The following RIPOR3 variants were observed in gnomAD, a reference collection of about 807,000 sequenced individuals.
RIPOR3 encodes RIPOR family member 3.
Under a neutral mutation model 114.3 loss-of-function variants are expected in RIPOR3, and 95 were observed. That is an observed-to-expected ratio of 0.83 (90% CI 0.70 to 0.99). The LOEUF is 0.99. RIPOR3 is among the 50% of genes least tolerant of loss of function. The pLI, the probability that RIPOR3 is intolerant of heterozygous loss-of-function variation, is 0.00. For synonymous variants in RIPOR3, 575 were observed against 543.8 expected, an observed-to-expected ratio of 1.06 and a Z score of -0.80; for missense variants, 1,252 against 1,266.9, an observed-to-expected ratio of 0.99 and a Z score of 0.18.
chr20:50,664,910 T>G (rs929309586), intron 1 of RIPOR3, among the ~76,000 whole-genome samples: 1 of 152,108 alleles, frequency 6.6e-6, no homozygotes, highest in African/African-American at 2.4e-5. Context: ...GAGACCAGCC[T>G]GGCCAACATG....
intron 19 of RIPOR3, among the ~76,000 whole-genome samples, chr20:50,591,877 G>A (rs776382811): frequency 2.5e-4 from 38 of 152,162 alleles, no homozygotes; most frequent in East Asian, 1.9e-4. Flanking sequence ...CAGGCGGATC[G>A]CAGGGTCAGG....
At chr20:50,609,269 C>A (rs755961146) in intron 8 of RIPOR3, 24 bp downstream of exon 8, 49 of 1,612,036 alleles carry the variant, frequency 3.0e-5, no homozygotes, top group South Asian at 9.9e-5. Context: ...AAGGCCTCCG[C>A]CCACCCCCTC....
At chr20:50,654,768 C>A (rs1421712660) in intron 1 of RIPOR3, among the ~76,000 whole-genome samples, 2 of 151,884 alleles carry the variant, frequency 1.3e-5, no homozygotes, top group African/African-American at 4.8e-5. Flanking sequence ...TTTTTTGAGA[C>A]AGCATCTCAA....
intron 1 of RIPOR3, among the ~76,000 whole-genome samples, chr20:50,648,152 T>A (rs911412300): frequency 4.0e-5 from 6 of 151,894 alleles, no homozygotes; most frequent in African/African-American, 1.5e-4. Context: ...GGTGGGCACC[T>A]GTAATCCCAG....
chr20:50,613,747 C>T (rs1240580140), intron 4 of RIPOR3, among the ~76,000 whole-genome samples: 1 of 152,186 alleles, frequency 6.6e-6, no homozygotes, highest in Non-Finnish European at 1.5e-5. Context: ...GAATGGGAAA[C>T]GAAGTCCACG....
At chr20:50,640,008 G>C (rs231571) in intron 1 of RIPOR3, among the ~76,000 whole-genome samples, 47,601 of 140,954 alleles carry the variant, frequency 0.34, 8,819 homozygotes, top group African/African-American at 0.49. Context: ...TGGGCTGGAG[G>C]GTTCATTAAC....
At chr20:50,636,471 C>T in intron 1 of RIPOR3, 2 of 865,806 alleles carry the variant, frequency 2.3e-6, no homozygotes, top group Non-Finnish European at 2.8e-6. Flanking sequence ...GCTCGGGTGG[C>T]TTAGGGCAGC....
Position 50,610,848 on chromosome 20 carries a change from C to A in RIPOR3, c.426+5G>T. On this transcript the variant is annotated splice_donor_5th_base_variant and intron_variant, in intron 6 of 21. Transcript: ENST00000327979. ...CCACCCTGCAACATCCACGAGCCAG[C>A]TGACCTTGCTGATGTGAAACTCCAT... The A allele has an allele frequency of 1.9e-6, 3 of 1,614,218 alleles. No individual in the cohort carries two copies. The highest frequency in any genetic ancestry group is 2.5e-6 in the Non-Finnish European group (3 of 1,180,040).
At chr20:50,645,721 G>A (rs1178830788) in intron 1 of RIPOR3, 1 of 152,254 alleles carries the variant, frequency 6.6e-6, no homozygotes, top group East Asian at 1.9e-4. Context: ...GGACTGCTGA[G>A]TCAACCCTCT....
chr20:50,588,038 G>A, intron 20 of RIPOR3, 146 bp from the exon 21 acceptor site: 1 of 703,150 alleles, frequency 1.4e-6, no homozygotes, highest in Admixed American at 2.9e-5. Context: ...GGTTTTTTAG[G>A]TGGCCTCAGG....
intron 2 of RIPOR3, among the ~76,000 whole-genome samples, chr20:50,625,976 C>T (rs1267796990): frequency 1.3e-5 from 2 of 152,202 alleles, no homozygotes; most frequent in Non-Finnish European, 2.9e-5. Context: ...TTTCAAGGTG[C>T]CAGAGTAGGG....
chr20:50,627,845 G>C lies in RIPOR3; in HGVS notation c.122+2893C>G, dbSNP rs574748651. Reference sequence around the variant, plus strand: ...CAGCAGAGCGTTCAATCAAAGTACAGAGCACAGGCTACACGCTCATGAAGC... The same window carrying C: ...CAGCAGAGCGTTCAATCAAAGTACACAGCACAGGCTACACGCTCATGAAGC... On this transcript the variant is annotated intron_variant, in intron 2 of 21. Coordinates refer to ENST00000327979, the MANE Select transcript of RIPOR3 (RefSeq NM_001290268.2). Among the ~76,000 whole-genome samples the C allele has an allele frequency of 3.3e-5, 5 of 152,342 alleles. No homozygotes were observed. In the East Asian group the frequency reaches 7.7e-4, roughly 24 times the overall value.
chr20:50,669,085 A>T (rs2086367446), intron 1 of RIPOR3, among the ~76,000 whole-genome samples: 2 of 152,094 alleles, frequency 1.3e-5, no homozygotes, highest in Middle Eastern at 6.8e-3. Context: ...ACATATGTAC[A>T]CATGGCGCGC....
At chr20:50,592,171 G>A (rs1236808128) in intron 19 of RIPOR3, among the ~76,000 whole-genome samples, 173 bp downstream of exon 19, 1 of 152,224 alleles carries the variant, frequency 6.6e-6, no homozygotes, top group African/African-American at 2.4e-5. Flanking sequence ...TGCTTTGGAA[G>A]CAGCAAGGTG....
rs2083230487 is a variant in RIPOR3, at chr20:50,594,724, C to G, written c.2051-10G>C. ...GAGGCCTGTGGGATGACTGAAAGCC[C>G]CAGTTCAGAAACCTGAATGGTGACT... On this transcript the variant is annotated splice_polypyrimidine_tract_variant and intron_variant, in intron 16 of 21. Coordinates refer to ENST00000327979, the MANE Select transcript of RIPOR3 (RefSeq NM_001290268.2). 4 of 1,604,476 alleles carry G rather than the reference C, an allele frequency of 2.5e-6. No individual in the cohort carries two copies. Among genetic ancestry groups the G allele is most frequent in the Non-Finnish European group, 3.4e-6 (4 of 1,173,200 alleles).
intron 1 of RIPOR3, among the ~76,000 whole-genome samples, chr20:50,669,110 G>A (rs2086369490): frequency 6.6e-6 from 1 of 151,784 alleles, no homozygotes; most frequent in East Asian, 1.9e-4. Flanking sequence ...ACCCATACAT[G>A]CATGCTCACA....
In RIPOR3 at chr20:50,594,697, G is replaced by A. The variant is rs772049631; in HGVS notation, c.2068C>T (p.Arg690Trp). ...CACAGCTTCAGGCACCCCTTCGTCCGCGAGGCCTGTGGGATGACTGAAAGC... is the reference window on the plus strand; with the variant it reads ...CACAGCTTCAGGCACCCCTTCGTCCACGAGGCCTGTGGGATGACTGAAAGC... ...SIEEIIPQAS[R>W]TKGCLKLWRG... The change falls in exon 17 of 22, where the codon CGG becomes TGG. Residue 690 changes from arginine (R) to tryptophan (W), a missense_variant. By Grantham distance (101) the Arg-to-Trp change is moderately radical (BLOSUM62 -3). Transcript: ENST00000327979. The A allele has an allele frequency of 5.2e-5, 84 of 1,611,594 alleles. No homozygotes were observed. Among genetic ancestry groups the A allele is most frequent in the African/African-American group, 8.0e-5 (6 of 74,876 alleles).
intron 12 of RIPOR3, among the ~76,000 whole-genome samples, chr20:50,603,992 G>A (rs1041227262): frequency 4.6e-5 from 7 of 152,094 alleles, no homozygotes; most frequent in Admixed American, 2.0e-4. Context: ...GACCAGCCTG[G>A]CTAACATGGT....
chr20:50,666,018 T>C (rs1342846983), intron 1 of RIPOR3, among the ~76,000 whole-genome samples: 1 of 151,404 alleles, frequency 6.6e-6, no homozygotes, highest in Non-Finnish European at 1.5e-5. Flanking sequence ...CTTGTAATGC[T>C]GAGTCCCAAG....
Sources: gnomAD v4.1 joint callset for allele counts (sites outside exome capture counted in the v4.1 genomes callset) on GRCh38, gnomAD v4.1.1 for gene constraint, MANE v1.5 for transcripts, NCBI Gene and HGNC (gene_info 2026-07-23, HGNC 2026-07-21) for gene names.